The following AKT3 variants were observed in gnomAD, a reference collection of about 807,000 sequenced individuals.
AKT3 encodes the protein RAC-gamma serine/threonine-protein kinase.
Under a neutral mutation model 65.3 loss-of-function variants are expected in AKT3, and 15 were observed. The ratio of observed to expected loss-of-function variants is 0.23; its 90% CI spans 0.15 to 0.35. The LOEUF (loss-of-function observed/expected upper bound fraction) is 0.35. AKT3 is among the 10% of genes least tolerant of loss of function. The pLI is 1.00. For synonymous variants in AKT3, 206 were observed against 183.8 expected (o/e 1.12, Z -0.98); for missense variants, 243 against 576.5 (o/e 0.42, Z 5.92).
intron 8 of AKT3, among the ~76,000 whole-genome samples, chr1:243,585,454 G>A (rs990238674): frequency 6.6e-6 from 1 of 151,432 alleles, no homozygotes; most frequent in Admixed American, 6.6e-5. Flanking sequence ...TCAAAAAGAA[G>A]AAAGCTAGAG....
intron 8 of AKT3, among the ~76,000 whole-genome samples, chr1:243,601,502 A>G (rs1676997627): frequency 6.6e-6 from 1 of 152,142 alleles, no homozygotes. Context: ...TGATTTTGAA[A>G]AGAGTCTGCA....
At chr1:243,792,811 T>C (rs1691712630) in intron 2 of AKT3, among the ~76,000 whole-genome samples, 2 of 152,172 alleles carry the variant, frequency 1.3e-5, no homozygotes, top group South Asian at 2.1e-4. Context: ...TTTCCAATAA[T>C]AAAGCCAAAC....
Position 243,537,066 on chromosome 1 carries a change from A to C in AKT3, c.1251+8444T>G, listed in dbSNP as rs554568616. ...TATCTCAACCAGAAAGTAGAAAGTC[A>C]CAACTCAGGAAAGTTCCACTTCAAC... On this transcript the variant is annotated intron_variant, in intron 12 of 13. Coordinates refer to ENST00000673466, the MANE Select transcript of AKT3 (RefSeq NM_005465.7). 3.3e-5 allele frequency among the ~76,000 whole-genome samples: 5 copies of C among 152,282 alleles called. No homozygotes were observed. In the East Asian group the frequency reaches 9.6e-4, roughly 29 times the overall value.
chr1:243,557,768 T>C (rs180896267), intron 10 of AKT3, among the ~76,000 whole-genome samples: 177 of 152,160 alleles, frequency 1.2e-3, no homozygotes, highest in Middle Eastern at 3.4e-3. Context: ...TTAATCATGG[T>C]GATGAGACCT....
chr1:243,629,463 T>C (rs1043393858), intron 6 of AKT3, among the ~76,000 whole-genome samples: 2 of 151,964 alleles, frequency 1.3e-5, no homozygotes, highest in Admixed American at 6.6e-5. Context: ...GCATGCTTGT[T>C]TGAGGTGGCT....
At chr1:243,594,987 T>G (rs921397191) in intron 8 of AKT3, among the ~76,000 whole-genome samples, 8 of 152,108 alleles carry the variant, frequency 5.3e-5, no homozygotes, top group African/African-American at 1.9e-4. Flanking sequence ...TTAAAATGGA[T>G]CACAGACCTA....
At chr1:243,691,694 T>A (rs139506959) in intron 3 of AKT3, among the ~76,000 whole-genome samples, 3 of 152,186 alleles carry the variant, frequency 2.0e-5, no homozygotes, top group African/African-American at 7.2e-5. Flanking sequence ...AAGGAAGAAA[T>A]AGACAAAATT....
At chr1:243,586,370 T>G (rs1212458102) in intron 8 of AKT3, among the ~76,000 whole-genome samples, 1 of 152,176 alleles carries the variant, frequency 6.6e-6, no homozygotes, top group African/African-American at 2.4e-5. Flanking sequence ...AAGCTACCAT[T>G]TGACCCAGCA....
At chr1:243,528,025 T>G (rs1329339379) in intron 12 of AKT3, among the ~76,000 whole-genome samples, 1 of 152,006 alleles carries the variant, frequency 6.6e-6, no homozygotes, top group East Asian at 1.9e-4. Context: ...TCTGCCTAAA[T>G]GCTTATAAAC....
At chr1:243,535,706 T>C (rs561527691) in intron 12 of AKT3, among the ~76,000 whole-genome samples, 1 of 152,324 alleles carries the variant, frequency 6.6e-6, no homozygotes, top group African/African-American at 2.4e-5. Flanking sequence ...ATGTATCCTT[T>C]TGTATAGAAT....
chr1:243,689,218 G>T (rs918171432), intron 3 of AKT3, among the ~76,000 whole-genome samples: 1 of 151,946 alleles, frequency 6.6e-6, no homozygotes, highest in Non-Finnish European at 1.5e-5. Flanking sequence ...TCAGGTATGG[G>T]TATAATGATC....
At position 243,568,668 on chromosome 1, in the gene AKT3, T is replaced by G. The variant is rs141431955; in HGVS notation, c.819+4258A>C. ...GTTCTTGCTGATGGCTAGCATAAAA[T>G]TAAACTTTAAAAATCCTAGCTGTCT... On this transcript the variant is annotated intron_variant, in intron 9 of 13. Transcript: ENST00000673466. Among the ~76,000 whole-genome samples the G allele has an allele frequency of 2.2e-3, 328 of 152,300 alleles. 3 individuals carry two copies. Among genetic ancestry groups the G allele is most frequent in the African/African-American group, 7.6e-3 (316 of 41,572 alleles).
chr1:243,565,495 G>GC (rs1553404790), intron 9 of AKT3, among the ~76,000 whole-genome samples: 2 of 152,142 alleles, frequency 1.3e-5, no homozygotes, highest in Non-Finnish European at 2.9e-5. Context: ...AAAGTTCTGG[G>GC]ATTACAGGCA....
intron 3 of AKT3, among the ~76,000 whole-genome samples, chr1:243,677,125 C>A (rs1269766305): frequency 6.6e-6 from 1 of 152,182 alleles, no homozygotes; most frequent in African/African-American, 2.4e-5. Context: ...TCTTCACTGT[C>A]CCCTAAAAAT....
chr1:243,815,425 G>C (rs1693449013), intron 2 of AKT3, among the ~76,000 whole-genome samples: 2 of 151,976 alleles, frequency 1.3e-5, no homozygotes, highest in African/African-American at 4.8e-5. Flanking sequence ...TTTCCTTTAA[G>C]CCCTCGAGCA....
At chr1:243,669,952 A>G (rs1243876761) in intron 3 of AKT3, among the ~76,000 whole-genome samples, 1 of 152,218 alleles carries the variant, frequency 6.6e-6, no homozygotes, top group African/African-American at 2.4e-5. Flanking sequence ...AATGACATAT[A>G]TGAAATGTCA....
intron 2 of AKT3, among the ~76,000 whole-genome samples, chr1:243,786,650 T>G (rs949633635): frequency 1.3e-5 from 2 of 151,890 alleles, no homozygotes; most frequent in Admixed American, 6.6e-5. Flanking sequence ...AGTAAACCAG[T>G]CAATCATGAA....
At chr1:243,836,748 T>G (rs1259793989) in intron 2 of AKT3, among the ~76,000 whole-genome samples, 1 of 151,786 alleles carries the variant, frequency 6.6e-6, no homozygotes, top group African/African-American at 2.4e-5. Context: ...CTGTCTCTAC[T>G]AAAAGTAGAA....
At chr1:243,826,058 G>A (rs1246582122) in intron 2 of AKT3, among the ~76,000 whole-genome samples, 2 of 151,884 alleles carry the variant, frequency 1.3e-5, no homozygotes, top group Non-Finnish European at 2.9e-5. Context: ...CTTGAACCCG[G>A]GAGACAAAGG....
Sources: allele counts gnomAD v4.1 joint callset (sites outside exome capture counted in the v4.1 genomes callset), GRCh38; gene constraint gnomAD v4.1.1; transcripts MANE v1.5; gene names NCBI Gene and HGNC (gene_info 2026-07-23, HGNC 2026-07-21).